The following CCDC6 variants were observed in gnomAD, a reference collection of about 807,000 sequenced individuals.
CCDC6 encodes the protein coiled-coil domain containing 6.
CCDC6 carries 20 observed loss-of-function variants against 56.6 expected under a neutral mutation model. The observed-to-expected ratio is 0.35, with a 90% confidence interval of 0.25 to 0.51. The LOEUF is 0.51. CCDC6 is among the 20% of genes least tolerant of loss of function. The pLI is 0.95. For missense variants in CCDC6, 367 were observed against 601.1 expected, an observed-to-expected ratio of 0.61 and a Z score of 4.07; for synonymous variants, 241 against 234.4, an observed-to-expected ratio of 1.03 and a Z score of -0.26.
intron 3 of CCDC6, among the ~76,000 whole-genome samples, chr10:59,829,139 G>A (rs943527827): frequency 6.6e-6 from 1 of 152,196 alleles, no homozygotes; most frequent in African/African-American, 2.4e-5. Flanking sequence ...AGGCCCTGCT[G>A]ACATGTGAGT....
intron 2 of CCDC6, among the ~76,000 whole-genome samples, chr10:59,836,816 A>G (rs1286166826): frequency 6.6e-6 from 1 of 152,232 alleles, no homozygotes; most frequent in Non-Finnish European, 1.5e-5. Context: ...CACATTTTCA[A>G]CGGAATTAGG....
At chr10:59,865,766 C>T (rs1490573187) in intron 1 of CCDC6, among the ~76,000 whole-genome samples, 1 of 144,656 alleles carries the variant, frequency 6.9e-6, no homozygotes, top group Non-Finnish European at 1.5e-5. Context: ...GCAGGAGAAT[C>T]GCTTGAACCC....
chr10:59,838,972 T>C (rs1272243506), intron 2 of CCDC6, among the ~76,000 whole-genome samples: 1 of 152,246 alleles, frequency 6.6e-6, no homozygotes, highest in Non-Finnish European at 1.5e-5. Flanking sequence ...TGCATTTTGA[T>C]GTCCATTTCA....
At chr10:59,895,404 A>T (rs1329142383) in intron 1 of CCDC6, among the ~76,000 whole-genome samples, 3 of 152,234 alleles carry the variant, frequency 2.0e-5, no homozygotes, top group African/African-American at 7.2e-5. Flanking sequence ...CTCAAATCCC[A>T]GTCCCATCTG....
At chr10:59,824,041 C>A (rs1219627484) in intron 3 of CCDC6, among the ~76,000 whole-genome samples, 1 of 152,182 alleles carries the variant, frequency 6.6e-6, no homozygotes, top group Non-Finnish European at 1.5e-5. Context: ...TTGAGTTTTT[C>A]CCCTTCCATC....
intron 1 of CCDC6, among the ~76,000 whole-genome samples, chr10:59,897,752 A>T (rs1045821370): frequency 1.3e-5 from 2 of 152,246 alleles, no homozygotes; most frequent in African/African-American, 4.8e-5. Context: ...GAAGTGTTTA[A>T]CACAGGTAAC....
chr10:59,844,528 T>A (rs2070972297), intron 2 of CCDC6, among the ~76,000 whole-genome samples: 1 of 149,994 alleles, frequency 6.7e-6, no homozygotes, highest in Non-Finnish European at 1.5e-5. Context: ...GGCAGGCAGA[T>A]CACTTGTGGT....
intron 3 of CCDC6, among the ~76,000 whole-genome samples, chr10:59,826,567 C>G (rs1262142778): frequency 6.6e-6 from 1 of 152,160 alleles, no homozygotes; most frequent in East Asian, 1.9e-4. Flanking sequence ...TTCTCAAGGC[C>G]AGGGACCTCC....
intron 1 of CCDC6, among the ~76,000 whole-genome samples, chr10:59,862,483 G>C (rs186088204): frequency 4.2e-4 from 56 of 132,032 alleles, no homozygotes; most frequent in Non-Finnish European, 2.3e-4. Flanking sequence ...GCCAGGTTCT[G>C]TCTCAAGAAA....
At chr10:59,822,539 T>G (rs779802959) in intron 3 of CCDC6, among the ~76,000 whole-genome samples, 2 of 152,176 alleles carry the variant, frequency 1.3e-5, no homozygotes, top group Non-Finnish European at 2.9e-5. Context: ...AGGAAAGAAA[T>G]GACATCTGTA....
chr10:59,859,197 T>C (rs868303495), intron 1 of CCDC6, among the ~76,000 whole-genome samples: 4,017 of 111,408 alleles, frequency 0.036, 71 homozygotes, highest in African/African-American at 0.06. Flanking sequence ...TACATGTGTG[T>C]GCGTGTGTGT....
chr10:59,869,640 T>C (rs1339757900), intron 1 of CCDC6, among the ~76,000 whole-genome samples: 11 of 152,040 alleles, frequency 7.2e-5, no homozygotes, highest in Non-Finnish European at 1.5e-4. Flanking sequence ...GCCGCCTACC[T>C]GGCCCTGCTG....
intron 1 of CCDC6, among the ~76,000 whole-genome samples, chr10:59,853,629 C>T (rs969217544): frequency 2.0e-5 from 3 of 151,894 alleles, no homozygotes; most frequent in Admixed American, 6.6e-5. Context: ...AAAAAAATTG[C>T]ACCAAATGGC....
intron 2 of CCDC6, among the ~76,000 whole-genome samples, chr10:59,837,489 A>G (rs1210335796): frequency 6.6e-6 from 1 of 152,198 alleles, no homozygotes; most frequent in African/African-American, 2.4e-5. Flanking sequence ...TCAAGCCTGT[A>G]ATCCCAGCAC....
At chr10:59,905,483 A>AG (rs1267830409) in intron 1 of CCDC6, among the ~76,000 whole-genome samples, 6 of 152,000 alleles carry the variant, frequency 3.9e-5, no homozygotes, top group African/African-American at 1.4e-4. Flanking sequence ...CTCGCTGTAA[A>AG]CCGTCCACCC....
chr10:59,887,174 A>G (rs1277271679), intron 1 of CCDC6, among the ~76,000 whole-genome samples: 2 of 152,210 alleles, frequency 1.3e-5, no homozygotes, highest in Non-Finnish European at 2.9e-5. Flanking sequence ...CTAGGTGTCA[A>G]TTCTGGCTCT....
intron 1 of CCDC6, among the ~76,000 whole-genome samples, chr10:59,864,593 T>A (rs532515348): frequency 1.5e-4 from 23 of 152,310 alleles, no homozygotes; most frequent in African/African-American, 5.5e-4. Flanking sequence ...CTCAATCAGT[T>A]ACCTATTGTT....
intron 2 of CCDC6, among the ~76,000 whole-genome samples, chr10:59,847,075 C>T (rs551716063): frequency 1.7e-4 from 26 of 150,090 alleles, no homozygotes; most frequent in African/African-American, 6.4e-4. Flanking sequence ...TTTTTTGAGA[C>T]GGAGTCTCGC....
chr10:59,816,174 A>G (rs1465933742), intron 3 of CCDC6, among the ~76,000 whole-genome samples: 2 of 152,174 alleles, frequency 1.3e-5, no homozygotes, highest in Non-Finnish European at 2.9e-5. Flanking sequence ...GCCAGAATGA[A>G]TATGCATAAA....
Sources: gnomAD v4.1 joint callset for allele counts (sites outside exome capture counted in the v4.1 genomes callset) on GRCh38, gnomAD v4.1.1 for gene constraint, MANE v1.5 for transcripts, NCBI Gene and HGNC (gene_info 2026-07-23, HGNC 2026-07-21) for gene names.